The following ANO7 variants were observed in gnomAD, a reference collection of about 807,000 sequenced individuals.
The protein encoded by ANO7 is anoctamin-7.
Under a neutral mutation model 115.8 loss-of-function variants are expected in ANO7, and 114 were observed. The ratio of observed to expected loss-of-function variants is 0.98; its 90% CI spans 0.85 to 1.15. ANO7 has a LOEUF of 1.15. Ranked by LOEUF, ANO7 falls within the 50% of genes most tolerant of loss-of-function variation. The pLI is 0.00. For synonymous variants in ANO7, 550 were observed against 498.2 expected, an observed-to-expected ratio of 1.10 and a Z score of -1.38; for missense variants, 1,302 against 1,201.2, an observed-to-expected ratio of 1.08 and a Z score of -1.24.
chr2:241,236,326 A>T, the ANO7 span: 1 of 438,584 alleles, frequency 2.3e-6, no homozygotes, highest in Non-Finnish European at 4.1e-6. Flanking sequence ...CCTGCAGCTG[A>T]GACCCTTCCA....
chr2:241,207,553 C>T (rs2068621350), intron 10 of ANO7, 21 bp from the exon 11 acceptor site: 1 of 1,610,720 alleles, frequency 6.2e-7, no homozygotes, highest in Non-Finnish European at 8.5e-7. Flanking sequence ...AGCTCCCACC[C>T]CTCCGCTCCA....
downstream of ANO7, chr2:241,229,188 G>A (rs2069422218): frequency 9.9e-6 from 2 of 203,032 alleles, no homozygotes; most frequent in East Asian, 1.5e-4. Flanking sequence ...GCAGGAGGGA[G>A]GTGGGAAAGG....
At chr2:241,229,784 G>GGGGGGC, downstream of ANO7, 1 of 1,502,550 alleles carries the variant, frequency 6.7e-7, no homozygotes, top group Non-Finnish European at 9.1e-7. Flanking sequence ...AAGCCCGCCT[G>GGGGGGC]CCCGCCCACC....
chr2:241,209,606 CTGGCCGGCTCTG>C lies in ANO7; in HGVS notation c.1334_1345del (p.Ala445_Val448del), dbSNP rs2068674598. 1.9e-6 allele frequency: 3 copies of C among 1,589,088 alleles called. No individual in the cohort carries two copies. In the African/African-American group the frequency reaches 4.0e-5, roughly 21 times the overall value. ...TGAGAGGAGCCGCGCGCGCCGCATG[CTGGCCGGCTCTG>C]TGGTGATCGTGGTGATGGTATGCGG... On this transcript the variant is annotated inframe_deletion, in exon 13 of 25. Coordinates refer to ENST00000674324, the MANE Select transcript of ANO7 (RefSeq NM_001370694.2).
chr2:241,225,384 G>A lies in ANO7; in HGVS notation c.*1231G>A, dbSNP rs1420480880. 1.3e-5 allele frequency: 2 copies of A among 152,106 alleles called. No homozygotes were observed. Among genetic ancestry groups the A allele is most frequent in the Non-Finnish European group, 2.9e-5 (2 of 68,054 alleles). The allele number at this position is 152,106 out of a possible 1,614,324, so 9.4% of individuals were successfully genotyped here. ...ACTAAAAATGCAAAAATTATTCTGG[G>A]TGTGGTGGCGGGCATCTGTAATCCC... is the stretch of plus-strand genomic sequence containing the variant. On this transcript the variant is annotated 3_prime_UTR_variant, in exon 25 of 25. Coordinates refer to ENST00000674324, the MANE Select transcript of ANO7 (RefSeq NM_001370694.2).
Position 241,196,158 on chromosome 2 carries a change from G to A in ANO7, c.309+313G>A, listed in dbSNP as rs901693068. 3 of 1,302,044 alleles carry A rather than the reference G, an allele frequency of 2.3e-6. No homozygotes were observed. The Admixed American group carries it at 1.0e-4, about 45-fold the overall frequency. The allele number at this position is 1,302,044 out of a possible 1,614,324, so 80.7% of individuals were successfully genotyped here. A position where few individuals can be genotyped will look rare whatever the true frequency, so the allele number is the denominator to read the frequency against. ...CCCGTCTCCAACATTAAAGCTTTTG[G>A]GTAGGCGTGTCATTTGTGTTTATGA... On this transcript the variant is annotated intron_variant, in intron 4 of 24. Coordinates refer to ENST00000674324, the MANE Select transcript of ANO7 (RefSeq NM_001370694.2).
At chr2:241,230,416 TCAC>T (rs531068537), downstream of ANO7, 343 of 623,842 alleles carry the variant, frequency 5.5e-4, no homozygotes, top group African/African-American at 1.7e-3. This position sits in a 1 kb window ranked among gnomAD's most constrained non-coding sequence, Gnocchi z 5.0. Context: ...GTCAGCCTCA[TCAC>T]CACACCAAGT....
At chr2:241,230,269 C>T, downstream of ANO7, 1 of 1,576,916 alleles carries the variant, frequency 6.3e-7, no homozygotes, top group Non-Finnish European at 8.7e-7. This position sits in a 1 kb window ranked among gnomAD's most constrained non-coding sequence, Gnocchi z 5.0. Context: ...CGAATGTCCA[C>T]CTGGAAGGGG....
chr2:241,189,786 G>T (rs1008253783), intron 1 of ANO7, among the ~76,000 whole-genome samples: 2 of 152,154 alleles, frequency 1.3e-5, no homozygotes, highest in African/African-American at 4.8e-5. Context: ...TGGGGGACAC[G>T]GGCACTCACT....
intron 4 of ANO7, among the ~76,000 whole-genome samples, chr2:241,197,227 G>A (rs1038055546): frequency 1.3e-5 from 2 of 152,126 alleles, no homozygotes; most frequent in Non-Finnish European, 2.9e-5. Flanking sequence ...AGTTTCTCGA[G>A]TACCTGAGAT....
At chr2:241,236,351 A>C in the ANO7 span, 1 of 511,380 alleles carries the variant, frequency 2.0e-6, no homozygotes, top group Non-Finnish European at 3.5e-6. Flanking sequence ...CCCCGCACCC[A>C]CCGTGGGCCT....
At chr2:241,208,948 G>C (rs549160010) in intron 11 of ANO7, among the ~76,000 whole-genome samples, 8 of 152,058 alleles carry the variant, frequency 5.3e-5, no homozygotes, top group Non-Finnish European at 8.8e-5. Flanking sequence ...AGAAGATCGA[G>C]ACCATCCTGG....
At position 241,217,776 on chromosome 2, in the gene ANO7, T is replaced by C; in HGVS notation, c.2063T>C (p.Leu688Ser). 2.5e-6 allele frequency: 4 copies of C among 1,609,762 alleles called. No individual in the cohort carries two copies. Among genetic ancestry groups the C allele is most frequent in the Non-Finnish European group, 2.5e-6 (3 of 1,178,736 alleles). ...ALLNNWVEIR[L>S]DARKFVCEYR... ...CTCAACAACTGGGTGGAGATCCGCT[T>C]GGACGCGCGCAAGTTCGTCTGCGAG... The change falls in exon 20 of 25, where the codon TTG becomes TCG. Residue 688 changes from leucine (L) to serine (S), a missense_variant. Physicochemically the swap from Leu to Ser is moderately radical, Grantham distance 145 (BLOSUM62 -2). Coordinates refer to ENST00000674324, the MANE Select transcript of ANO7 (RefSeq NM_001370694.2).
chr2:241,231,008 G>A, the ANO7 span: 9 of 1,450,880 alleles, frequency 6.2e-6, no homozygotes, highest in Non-Finnish European at 7.7e-6. Context: ...AGGGGCAAGA[G>A]CCGGCCCCCA....
chr2:241,199,106 C>T (rs1481588044), intron 4 of ANO7: 6 of 542,638 alleles, frequency 1.1e-5, no homozygotes, highest in African/African-American at 3.8e-5. Flanking sequence ...TTGCTGGGGC[C>T]GACTCCCAAA....
intron 13 of ANO7, 66 bp downstream of exon 13, chr2:241,209,701 C>T (rs2068677427): frequency 6.7e-7 from 1 of 1,488,458 alleles, no homozygotes; most frequent in East Asian, 2.3e-5. Context: ...TGGTTTTGTC[C>T]CCCATCTCAC....
chr2:241,239,619 C>G, the ANO7 span: 2 of 1,614,212 alleles, frequency 1.2e-6, no homozygotes, highest in Non-Finnish European at 1.7e-6. This position sits in a 1 kb window ranked among gnomAD's most constrained non-coding sequence, Gnocchi z 4.6. Flanking sequence ...TCAATGATCT[C>G]CTGAATGCGT....
At chr2:241,204,979 C>G (rs2068556872) in intron 10 of ANO7, 24 bp downstream of exon 10, 1 of 1,608,070 alleles carries the variant, frequency 6.2e-7, no homozygotes, top group East Asian at 2.2e-5. Flanking sequence ...CTCCGCAGCT[C>G]TGGGGCCTGG....
In ANO7 at chr2:241,224,189, G is replaced by A. The variant is rs773196821; in HGVS notation, c.*36G>A. The A allele has an allele frequency of 1.6e-5, 26 of 1,611,106 alleles. 1 individual carries two copies. The Admixed American group carries it at 4.3e-4, about 27-fold the overall frequency. ...GACATCTGGTGGTCCTTAGGGGAGTGGCCCCTCCTGAGCCCTGCGAGCAGC... is the reference window on the plus strand; with the variant it reads ...GACATCTGGTGGTCCTTAGGGGAGTAGCCCCTCCTGAGCCCTGCGAGCAGC... On this transcript the variant is annotated 3_prime_UTR_variant, in exon 25 of 25. Transcript: ENST00000674324.
Sources: gnomAD v4.1 joint callset for allele counts (sites outside exome capture counted in the v4.1 genomes callset) on GRCh38, gnomAD v4.1.1 for gene constraint, Gnocchi (gnomAD v3.1) non-coding constraint, MANE v1.5 for transcripts, NCBI Gene and HGNC (gene_info 2026-07-23, HGNC 2026-07-21) for gene names.